The following GLIS3 variants were observed in gnomAD, a reference collection of about 807,000 sequenced individuals.
GLIS3 encodes zinc finger protein GLIS3.
GLIS3 carries 53 observed loss-of-function variants against 78.6 expected under a neutral mutation model. That is an observed-to-expected ratio of 0.67 (90% CI 0.54 to 0.85). GLIS3 has a LOEUF of 0.85. GLIS3 is among the 40% of genes least tolerant of loss of function. GLIS3 has a pLI of 0.00. For synonymous variants in GLIS3, 684 were observed against 509.9 expected, an observed-to-expected ratio of 1.34 and a Z score of -4.60; for missense variants, 1,703 against 1,231.1, an observed-to-expected ratio of 1.38 and a Z score of -5.74.
intron 4 of GLIS3, among the ~76,000 whole-genome samples, chr9:4,027,348 G>A (rs1477284604): frequency 1.3e-5 from 2 of 152,170 alleles, no homozygotes; most frequent in African/African-American, 4.8e-5. Flanking sequence ...ATTCACAGCA[G>A]GAGTTTTGCT....
At chr9:4,273,325 T>C (rs1309340809) in intron 2 of GLIS3, among the ~76,000 whole-genome samples, 1 of 152,200 alleles carries the variant, frequency 6.6e-6, no homozygotes, top group East Asian at 1.9e-4. Context: ...CCAAGCACGG[T>C]GGCTCATGTC....
intron 4 of GLIS3, among the ~76,000 whole-genome samples, chr9:4,094,359 T>C (rs184676516): frequency 1.0e-3 from 153 of 152,354 alleles, no homozygotes; most frequent in Non-Finnish European, 1.8e-3. Flanking sequence ...ATCTCCTATG[T>C]TAGTGAAATC....
intron 2 of GLIS3, among the ~76,000 whole-genome samples, chr9:4,231,231 A>G (rs560038000): frequency 2.1e-4 from 32 of 152,342 alleles, no homozygotes; most frequent in African/African-American, 6.0e-4. Context: ...AAGTACAGTC[A>G]ACTGAACTAG....
intron 2 of GLIS3, among the ~76,000 whole-genome samples, chr9:4,225,340 CA>C (rs529473575): frequency 4.1e-4 from 63 of 152,250 alleles, no homozygotes; most frequent in Non-Finnish European, 8.2e-4. Flanking sequence ...CAAAATTATA[CA>C]ATTACTCTTT....
chr9:4,009,014 C>T (rs1002750841), intron 4 of GLIS3, among the ~76,000 whole-genome samples: 10 of 152,124 alleles, frequency 6.6e-5, no homozygotes, highest in African/African-American at 1.9e-4. Context: ...ATTCCTGAAC[C>T]GGAGCCACAC....
At chr9:4,086,944 G>C (rs10283872) in intron 4 of GLIS3, among the ~76,000 whole-genome samples, 66,032 of 152,030 alleles carry the variant, frequency 0.43, 14,884 homozygotes, top group Non-Finnish European at 0.5. Context: ...CCTTGAACCC[G>C]TAGACGGCAG....
intron 4 of GLIS3, among the ~76,000 whole-genome samples, chr9:3,950,433 G>A (rs1400774336): frequency 1.3e-5 from 2 of 152,118 alleles, no homozygotes; most frequent in African/African-American, 4.8e-5. Flanking sequence ...TGTGGCTCCC[G>A]CCTACTTCTC....
At chr9:3,904,333 C>G (rs956218714) in intron 6 of GLIS3, among the ~76,000 whole-genome samples, 1 of 152,172 alleles carries the variant, frequency 6.6e-6, no homozygotes, top group Admixed American at 6.5e-5. Context: ...TAAAGTTTCA[C>G]TAAAAAAAGA....
At chr9:4,389,229 A>T in the GLIS3 span, among the ~76,000 whole-genome samples, 3 of 152,248 alleles carry the variant, frequency 2.0e-5, no homozygotes, top group Non-Finnish European at 4.4e-5. Context: ...GACAAAGGAT[A>T]GAGATGAGAT....
intron 2 of GLIS3, among the ~76,000 whole-genome samples, chr9:4,319,083 G>C (rs370459521): frequency 6.6e-6 from 1 of 152,108 alleles, no homozygotes; most frequent in Admixed American, 6.6e-5. Flanking sequence ...AAAGACATGA[G>C]GAACCATTCT....
chr9:4,312,542 T>C (rs1032809618), intron 2 of GLIS3, among the ~76,000 whole-genome samples: 11 of 152,240 alleles, frequency 7.2e-5, no homozygotes, highest in Admixed American at 5.9e-4. Context: ...CATGCCAATT[T>C]TGCCAATAAA....
At chr9:4,236,347 A>C (rs1354904642) in intron 2 of GLIS3, among the ~76,000 whole-genome samples, 1 of 152,180 alleles carries the variant, frequency 6.6e-6, no homozygotes. Flanking sequence ...CACTTATTAA[A>C]GTTGTGAGTT....
chr9:4,385,600 G>A, the GLIS3 span, among the ~76,000 whole-genome samples: 3 of 147,336 alleles, frequency 2.0e-5, no homozygotes, highest in Non-Finnish European at 3.0e-5. Flanking sequence ...AGGAGGCAGA[G>A]GTTTCAGTGA....
chr9:3,865,491 C>G (rs1820515451), intron 8 of GLIS3, among the ~76,000 whole-genome samples: 1 of 152,170 alleles, frequency 6.6e-6, no homozygotes, highest in South Asian at 2.1e-4. Context: ...TTTGAGAATT[C>G]TGACTATATA....
At chr9:4,428,770 G>A in the GLIS3 span, among the ~76,000 whole-genome samples, 1 of 152,100 alleles carries the variant, frequency 6.6e-6, no homozygotes, top group Admixed American at 6.5e-5. Flanking sequence ...GACATTGAGA[G>A]ACCATCTCCT....
At chr9:4,459,709 G>C in the GLIS3 span, among the ~76,000 whole-genome samples, 1 of 152,172 alleles carries the variant, frequency 6.6e-6, no homozygotes, top group Non-Finnish European at 1.5e-5. Flanking sequence ...AGTGAACCAT[G>C]AGCCCAGGAG....
At chr9:4,276,277 A>T (rs940093432) in intron 2 of GLIS3, among the ~76,000 whole-genome samples, 5 of 145,190 alleles carry the variant, frequency 3.4e-5, no homozygotes, top group Admixed American at 1.4e-4. Flanking sequence ...CTGAAAGAAA[A>T]GAAAAAAATG....
chr9:4,454,150 TAAAAAAA>T, the GLIS3 span, among the ~76,000 whole-genome samples: 3 of 128,828 alleles, frequency 2.3e-5, no homozygotes, highest in African/African-American at 8.9e-5. Flanking sequence ...TATATGATGA[TAAAAAAA>T]AAAAAAAAAA....
chr9:4,413,856 C>T, the GLIS3 span, among the ~76,000 whole-genome samples: 3 of 152,082 alleles, frequency 2.0e-5, no homozygotes, highest in Non-Finnish European at 4.4e-5. Flanking sequence ...TTTAATCCAA[C>T]CAAAAACTTG....
Sources: allele counts gnomAD v4.1 joint callset (sites outside exome capture counted in the v4.1 genomes callset), GRCh38; gene constraint gnomAD v4.1.1; transcripts MANE v1.5; gene names NCBI Gene and HGNC (gene_info 2026-07-23, HGNC 2026-07-21).